The following BMS1 variants were observed in gnomAD, a reference collection of about 807,000 sequenced individuals.
BMS1 encodes ribosome biogenesis protein BMS1 homolog.
In BMS1, 53 loss-of-function variants were observed where a neutral mutation model predicts 138.7. That is an observed-to-expected ratio of 0.38 (90% CI 0.31 to 0.48). BMS1 has a LOEUF of 0.48. Among genes scored for constraint, BMS1 ranks in the 20% least tolerant of loss-of-function variants. The probability of loss-of-function intolerance (pLI) is 0.97; values close to 1 mark genes in which losing one functional copy is unlikely to be tolerated. For synonymous variants in BMS1, 504 were observed against 539.9 expected (o/e 0.93, Z 0.92); for missense variants, 1,360 against 1,565.5 (o/e 0.87, Z 2.22).
At chr10:42,826,925 G>C (rs1023357354) in intron 21 of BMS1, among the ~76,000 whole-genome samples, 1 of 152,184 alleles carries the variant, frequency 6.6e-6, no homozygotes, top group Non-Finnish European at 1.5e-5. Flanking sequence ...GCACGGCAGC[G>C]TGGCCCCGCA....
At position 42,830,369 on chromosome 10, in the gene BMS1, G is replaced by T; in HGVS notation, c.3565G>T (p.Val1189Leu). Residue 1189 changes from valine (V) to leucine (L), a missense_variant, in exon 22 of 23, where the codon GTG becomes TTG. This residue lies in a region of BMS1 where 425 missense variants were observed against 568.3 expected (regional missense o/e 0.75). Coordinates refer to ENST00000374518, the MANE Select transcript of BMS1 (RefSeq NM_014753.4). The stretch of plus-strand genomic sequence containing the variant: ...CAAGACCCAAGCAAAGGCAGGCAAG[G>T]TGCCAAAGGACAGGCGGAGACCGGC... ...KPKTQAKAGKVPKDRRRPAVI... is the reference protein window; with the variant it reads ...KPKTQAKAGKLPKDRRRPAVI... 1 of 1,613,900 alleles carries T rather than the reference G, an allele frequency of 6.2e-7. No homozygotes were observed. Among genetic ancestry groups the T allele is most frequent in the Non-Finnish European group, 8.5e-7 (1 of 1,179,998 alleles).
chr10:42,825,765 C>G (rs1842620276), intron 21 of BMS1, among the ~76,000 whole-genome samples: 1 of 152,042 alleles, frequency 6.6e-6, no homozygotes, highest in African/African-American at 2.4e-5. Context: ...AATTTAGTTG[C>G]CTTTTTTTTC....
At chr10:42,784,602 A>G (rs771190785) in intron 2 of BMS1, 32 bp downstream of exon 2, 3 of 1,424,404 alleles carry the variant, frequency 2.1e-6, no homozygotes, top group South Asian at 1.3e-5. Context: ...TCATTCTTCC[A>G]TTGATTCTTT....
intron 15 of BMS1, among the ~76,000 whole-genome samples, chr10:42,819,592 G>A (rs1842444398): frequency 6.6e-6 from 1 of 152,070 alleles, no homozygotes; most frequent in South Asian, 2.1e-4. Context: ...GGTGGTGGTG[G>A]GTGTTTGAAG....
intron 11 of BMS1, among the ~76,000 whole-genome samples, 191 bp downstream of exon 11, chr10:42,797,714 G>A (rs1841734257): frequency 6.6e-6 from 1 of 152,128 alleles, no homozygotes; most frequent in Non-Finnish European, 1.5e-5. Context: ...AGACTTATGG[G>A]TTTGCTGTAA....
intron 4 of BMS1, among the ~76,000 whole-genome samples, chr10:42,789,351 G>A (rs1332727409): frequency 6.6e-6 from 1 of 152,200 alleles, no homozygotes; most frequent in Non-Finnish European, 1.5e-5. Context: ...CATATATTCT[G>A]TGGTTTCGGA....
At position 42,822,169 on chromosome 10, in the gene BMS1, C is replaced by T. The variant is rs1018626092; in HGVS notation, c.3117C>T (p.Asn1039=). The change falls in exon 19 of 23, where the codon AAC becomes AAT. Residue 1039 remains asparagine, a synonymous_variant. Transcript: ENST00000374518. ...GTTTTCCATATAAAATTTTCAAGAA[C>T]ACTTCATTTATTAAGGTCTGTATAT... ...LTGFPYKIFK[N]TSFIKGMFNS... 2.1e-6 allele frequency: 3 copies of T among 1,420,308 alleles called. No individual in the cohort carries two copies. In the African/African-American group the frequency reaches 4.2e-5, roughly 20 times the overall value. 88.0% of individuals were successfully genotyped at this position (1,420,308 alleles called of 1,614,324 possible).
At chr10:42,817,185 T>A in intron 14 of BMS1, 133 bp from the exon 15 acceptor site, 1 of 735,254 alleles carries the variant, frequency 1.4e-6, no homozygotes, top group Non-Finnish European at 2.2e-6. Context: ...TGTGTTGTGT[T>A]TTCTTTTGTT....
At chr10:42,787,949 A>G (rs911428958) in intron 4 of BMS1, among the ~76,000 whole-genome samples, 2 of 152,236 alleles carry the variant, frequency 1.3e-5, no homozygotes, top group African/African-American at 4.8e-5. Flanking sequence ...TAAAATACAA[A>G]TTAGCAAAAA....
intron 13 of BMS1, among the ~76,000 whole-genome samples, chr10:42,813,932 T>C (rs1842262299): frequency 6.6e-6 from 1 of 152,220 alleles, no homozygotes; most frequent in Non-Finnish European, 1.5e-5. Context: ...GTTTGGTTTT[T>C]TTGTTTGTTT....
chr10:42,793,261 TTATAA>T (rs1841571476), intron 8 of BMS1, 117 bp downstream of exon 8: 2 of 1,098,326 alleles, frequency 1.8e-6, no homozygotes, highest in East Asian at 2.5e-5. Context: ...TCTCTTGTAC[TTATAA>T]TAAAGGCCCA....
In BMS1 at chr10:42,785,529, G is replaced by A. The variant is rs1260684348; in HGVS notation, c.224G>A (p.Arg75Gln). 1 of 1,613,252 alleles carries A rather than the reference G, an allele frequency of 6.2e-7. No individual in the cohort carries two copies. Among genetic ancestry groups the A allele is most frequent in the Non-Finnish European group, 8.5e-7 (1 of 1,179,488 alleles). The change falls in exon 3 of 23, where the codon CGA becomes CAA. Residue 75 changes from arginine (R) to glutamine (Q), a missense_variant. Physicochemically the swap from Arg to Gln is conservative, Grantham distance 43 (BLOSUM62 1). Around this residue, in one of 3 missense-constraint regions of BMS1, gnomAD observed 238 missense variants for 311.1 expected, o/e 0.77. Coordinates refer to ENST00000374518, the MANE Select transcript of BMS1 (RefSeq NM_014753.4). ...AAGCATCATATTCCAGTGGTTGATC[G>A]AACTCCACTAGAGCCCCCACCAATA... ...TKKHHIPVVD[R>Q]TPLEPPPIVV...
rs368223833 is a variant in BMS1 at position 42,796,993 on chromosome 10, A to G, written c.1749A>G (p.Thr583=). The G allele has an allele frequency of 3.8e-4, 606 of 1,614,258 alleles. 8 individuals carry two copies. In the South Asian group the frequency reaches 6.5e-3, roughly 17 times the overall value. Residue 583 remains threonine (T), a synonymous_variant, in exon 10 of 23, where the codon ACA becomes ACG. Transcript: ENST00000374518. ...ALPTFDSGHC[T]AEEVFASEDE... ...CCACTTTCGATTCTGGGCATTGCAC[A>G]GCTGAAGAGGTGTTTGCATCTGAAG... is the stretch of plus-strand genomic sequence containing the variant.
At position 42,800,443 on chromosome 10, in the gene BMS1, A is replaced by G. The variant is rs145608668; in HGVS notation, c.2248-1694A>G. On this transcript the variant is annotated intron_variant, in intron 12 of 22. Coordinates refer to ENST00000374518, the MANE Select transcript of BMS1 (RefSeq NM_014753.4). ...TCCATTCAATCATTTCTCTTTATGTATTAGCTGTAACACTTCTTTAAAGAG... is the reference window on the plus strand; with the variant it reads ...TCCATTCAATCATTTCTCTTTATGTGTTAGCTGTAACACTTCTTTAAAGAG... Among the ~76,000 whole-genome samples the G allele has an allele frequency of 6.0e-3, 907 of 151,746 alleles. 3 individuals carry two copies. Among genetic ancestry groups the G allele is most frequent in the African/African-American group, 0.021 (861 of 41,376 alleles).
In BMS1 at chr10:42,832,419, T is replaced by G. The variant is rs1206015939; in HGVS notation, c.*1323T>G. 1 of 18,314 alleles carries G rather than the reference T, an allele frequency of 5.5e-5. No individual in the cohort carries two copies. Among genetic ancestry groups the G allele is most frequent in the Non-Finnish European group, 9.1e-5 (1 of 10,932 alleles). The allele number at this position is 18,314 out of a possible 1,614,324, so 1.1% of individuals were successfully genotyped here. ...CAGCCTGGGCGACAGGGCAAGACCC[T>G]GTTTCAAAAAAAAAAAATTATACAT... is the stretch of plus-strand genomic sequence containing the variant. On this transcript the variant is annotated 3_prime_UTR_variant, in exon 23 of 23. Transcript: ENST00000374518.
At chr10:42,798,435 G>A (rs1589139206) in intron 11 of BMS1, 33 bp from the exon 12 acceptor site, 1 of 1,613,240 alleles carries the variant, frequency 6.2e-7, no homozygotes, top group Non-Finnish European at 8.5e-7. Context: ...TGTAATTTTT[G>A]TTCTCACTTT....
intron 14 of BMS1, 58 bp from the exon 15 acceptor site, chr10:42,817,260 T>C (rs1842375229): frequency 1.6e-6 from 2 of 1,264,418 alleles, no homozygotes; most frequent in Non-Finnish European, 2.2e-6. Context: ...AAAAAGCTAA[T>C]GTTTAAAGAA....
intron 17 of BMS1, 115 bp downstream of exon 17, chr10:42,820,803 C>T: frequency 5.1e-6 from 7 of 1,376,156 alleles, no homozygotes; most frequent in Non-Finnish European, 6.1e-6. Context: ...TTTCTCTTTT[C>T]TGGGAGCGGG....
At chr10:42,806,938 A>G (rs1444258736) in intron 13 of BMS1, among the ~76,000 whole-genome samples, 1 of 152,150 alleles carries the variant, frequency 6.6e-6, no homozygotes, top group East Asian at 1.9e-4. Context: ...GTATATATGT[A>G]CTATGTATAC....
Sources: gnomAD v4.1 joint callset for allele counts (sites outside exome capture counted in the v4.1 genomes callset) on GRCh38, gnomAD v4.1.1 for gene constraint, gnomAD v4.1.1 regional missense constraint, MANE v1.5 for transcripts, NCBI Gene and HGNC (gene_info 2026-07-23, HGNC 2026-07-21) for gene names.